The following MAP4 variants were observed in gnomAD, a reference collection of about 807,000 sequenced individuals.
The protein encoded by MAP4 is microtubule-associated protein 4.
In MAP4, 76 loss-of-function variants were observed where a neutral mutation model predicts 170.2. The observed-to-expected ratio is 0.45, with a 90% CI of 0.37 to 0.54. The LOEUF is 0.54. Among genes scored for constraint, MAP4 ranks in the 20% least tolerant of loss-of-function variants. MAP4 has a pLI of 0.00. For synonymous variants in MAP4, 909 were observed against 994.5 expected (o/e 0.91, Z 1.62); for missense variants, 2,506 against 2,748.0 (o/e 0.91, Z 1.97).
chr3:47,901,444 G>T (rs1357670282), intron 10 of MAP4, among the ~76,000 whole-genome samples: 3 of 152,172 alleles, frequency 2.0e-5, no homozygotes, highest in Middle Eastern at 3.2e-3. Context: ...AGGAGGCCGA[G>T]GTGGACGGAT....
chr3:48,019,290 T>C (rs962421020), upstream of MAP4, among the ~76,000 whole-genome samples: 1 of 151,922 alleles, frequency 6.6e-6, no homozygotes, highest in Non-Finnish European at 1.5e-5. Flanking sequence ...TGCAGTGAGC[T>C]ATGATTACAA....
At chr3:48,013,791 C>G (rs1293138009) in intron 1 of MAP4, among the ~76,000 whole-genome samples, 1 of 150,612 alleles carries the variant, frequency 6.6e-6, no homozygotes, top group African/African-American at 2.4e-5. Flanking sequence ...TTGAGCCAAT[C>G]TGACTGGAGC....
intron 17 of MAP4, among the ~76,000 whole-genome samples, chr3:47,858,841 C>T (rs1490292708): frequency 6.6e-6 from 1 of 151,754 alleles, no homozygotes; most frequent in African/African-American, 2.4e-5. Context: ...AAAGGTGGTG[C>T]ACCTTGGCTG....
chr3:47,948,181 T>A (rs944039283), intron 3 of MAP4, among the ~76,000 whole-genome samples: 6 of 151,134 alleles, frequency 4.0e-5, no homozygotes, highest in Admixed American at 3.9e-4. Context: ...GTATTTTTAG[T>A]AGAGATGGGA....
At chr3:48,055,238 C>T (rs1259265950) in intron 1 of MAP4, among the ~76,000 whole-genome samples, 3 of 144,666 alleles carry the variant, frequency 2.1e-5, no homozygotes, top group Non-Finnish European at 3.0e-5. Context: ...CCGTCTCCGT[C>T]TCCCCATGGT....
At chr3:48,000,221 CAAAAAAAAAAAAAA>C (rs530513032) in intron 1 of MAP4, among the ~76,000 whole-genome samples, 1 of 79,906 alleles carries the variant, frequency 1.3e-5, no homozygotes, top group Non-Finnish European at 2.2e-5. Context: ...ACTCCCCCAT[CAAAAAAAAAAAAAA>C]AAAAAAAAAA....
At position 47,959,482 on chromosome 3, in the gene MAP4, C is replaced by T. The variant is rs180737260; in HGVS notation, c.292+18383G>A. Among the ~76,000 whole-genome samples the T allele has an allele frequency of 4.1e-3, 609 of 149,546 alleles. 7 individuals are homozygous for T. The highest frequency in any genetic ancestry group is 0.015 in the African/African-American group (589 of 40,556). ...GGAAAAAAAAAAAAATGTGGCTGGG[C>T]GCAGTGGCTCACGTCTGTAATCCCA... On this transcript the variant is annotated intron_variant, in intron 3 of 20. Coordinates refer to ENST00000683076, the MANE Select transcript of MAP4 (RefSeq NM_001385682.1).
chr3:47,925,258 G>A (rs1046096287), intron 4 of MAP4, among the ~76,000 whole-genome samples: 4 of 152,284 alleles, frequency 2.6e-5, no homozygotes, highest in South Asian at 2.1e-4. Context: ...ATCATTGGAC[G>A]CCATCTTGGC....
chr3:47,942,722 T>G (rs1165394048), intron 3 of MAP4, among the ~76,000 whole-genome samples: 1 of 152,206 alleles, frequency 6.6e-6, no homozygotes, highest in African/African-American at 2.4e-5. Flanking sequence ...ATACATATCT[T>G]ACAGAATGCT....
chr3:47,994,904 G>A (rs1481107490), intron 2 of MAP4, among the ~76,000 whole-genome samples: 4 of 151,074 alleles, frequency 2.6e-5, no homozygotes, highest in African/African-American at 4.9e-5. Flanking sequence ...AGCAGAGATC[G>A]TGCCACTGCA....
chr3:47,887,177 G>C (rs889583240), intron 10 of MAP4, among the ~76,000 whole-genome samples: 1 of 152,262 alleles, frequency 6.6e-6, no homozygotes, highest in African/African-American at 2.4e-5. Context: ...GCCAGAGCCA[G>C]CTCCCTCAGC....
chr3:47,928,399 C>A lies in MAP4; in HGVS notation c.293-49G>T, dbSNP rs768129933. Reference sequence around the variant, plus strand: ...AAGTTACAAGATATTACAGTTTTCTCCTCCACTACAGTGGAATTTCTACAA... The same window carrying A: ...AAGTTACAAGATATTACAGTTTTCTACTCCACTACAGTGGAATTTCTACAA... On this transcript the variant is annotated intron_variant, in intron 3 of 20. Transcript: ENST00000683076. 4 of 1,584,912 alleles carry A rather than the reference C, an allele frequency of 2.5e-6. No homozygotes were observed. The East Asian group carries it at 9.0e-5, about 35-fold the overall frequency.
chr3:48,046,440 A>G (rs1156556826), intron 1 of MAP4, among the ~76,000 whole-genome samples: 6 of 152,268 alleles, frequency 3.9e-5, no homozygotes, highest in African/African-American at 1.4e-4. Flanking sequence ...GTGAAAGTGT[A>G]TATGAGAACC....
intron 10 of MAP4, 129 bp downstream of exon 10, chr3:47,902,821 G>A (rs2100030873): frequency 1.3e-5 from 3 of 223,656 alleles, no homozygotes; most frequent in Non-Finnish European, 2.2e-5. Context: ...TAAAATAGTA[G>A]CAAGTTCTAA....
Position 47,909,101 on chromosome 3 carries a change from T to C in MAP4, c.5320A>G (p.Thr1774Ala). The change falls in exon 9 of 21, where the codon ACT becomes GCT. Residue 1774 changes from threonine (T) to alanine (A), a missense_variant. Physicochemically the swap from Thr to Ala is moderately conservative, Grantham distance 58 (BLOSUM62 0). This residue lies in a region of MAP4 where 2,008 missense variants were observed against 2,206.0 expected (regional missense o/e 0.91). Transcript: ENST00000683076. ...ATTGTAGACTTTGGCAAAAGTGGAG[T>C]AAGTCCTCGGGACTTGGTGGGTCTC... is the stretch of plus-strand genomic sequence containing the variant. The part of the protein sequence containing the change: ...YMRPTKSRGL[T>A]PLLPKSTIQE... 1 of 1,614,008 alleles carries C rather than the reference T, an allele frequency of 6.2e-7. No individual in the cohort carries two copies.
At chr3:47,866,351 C>A (rs1559816313) in intron 17 of MAP4, among the ~76,000 whole-genome samples, 1 of 144,014 alleles carries the variant, frequency 6.9e-6, no homozygotes, top group Non-Finnish European at 1.5e-5. Flanking sequence ...AAAAACAAAA[C>A]AAACAAACAA....
chr3:48,038,515 C>G (rs982692129), intron 1 of MAP4, among the ~76,000 whole-genome samples: 3 of 139,634 alleles, frequency 2.1e-5, no homozygotes, highest in Non-Finnish European at 4.5e-5. Context: ...GGCTGGAGTG[C>G]AGTGGCACGA....
At chr3:47,854,915 G>C (rs1422988422) in intron 19 of MAP4, among the ~76,000 whole-genome samples, 1 of 152,200 alleles carries the variant, frequency 6.6e-6, no homozygotes, top group Non-Finnish European at 1.5e-5. Flanking sequence ...AGAACTGTGT[G>C]GTGCAGAACC....
At chr3:47,898,775 T>C (rs1174998491) in intron 10 of MAP4, among the ~76,000 whole-genome samples, 1 of 151,980 alleles carries the variant, frequency 6.6e-6, no homozygotes. Context: ...AGGACCCACA[T>C]CTATACAAAA....
Sources: allele counts gnomAD v4.1 joint callset (sites outside exome capture counted in the v4.1 genomes callset), GRCh38; gene constraint gnomAD v4.1.1; regional missense constraint gnomAD v4.1.1; transcripts MANE v1.5; gene names NCBI Gene and HGNC (gene_info 2026-07-23, HGNC 2026-07-21).